The following C12orf56 variants were observed in gnomAD, a reference collection of about 807,000 sequenced individuals.
C12orf56 encodes the protein uncharacterized protein C12orf56.
A neutral mutation model predicts 69.9 loss-of-function variants in C12orf56; 71 were observed. The observed-to-expected ratio is 1.02, with a 90% CI of 0.84 to 1.24. The LOEUF is 1.24. Among genes scored for constraint, C12orf56 ranks in the 50% most tolerant of loss-of-function variants. The pLI is 0.00. For synonymous variants in C12orf56, 276 were observed against 274.1 expected, an observed-to-expected ratio of 1.01 and a Z score of -0.07; for missense variants, 732 against 738.5, an observed-to-expected ratio of 0.99 and a Z score of 0.10.
At chr12:64,299,808 G>C (rs1450669214) in intron 6 of C12orf56, among the ~76,000 whole-genome samples, 3 of 152,068 alleles carry the variant, frequency 2.0e-5, no homozygotes, top group Non-Finnish European at 2.9e-5. Flanking sequence ...CATGAAAACT[G>C]TCTGTTAATT....
chr12:64,317,927 C>A (rs1210392286), intron 4 of C12orf56, among the ~76,000 whole-genome samples: 1 of 152,084 alleles, frequency 6.6e-6, no homozygotes, highest in Non-Finnish European at 1.5e-5. Context: ...AACGTTGAAC[C>A]TTACCTGAGG....
chr12:64,275,246 G>T, intron 10 of C12orf56, 52 bp downstream of exon 10: 1 of 854,352 alleles, frequency 1.2e-6, no homozygotes, highest in Non-Finnish European at 1.8e-6. Context: ...TAATAGTCAT[G>T]TAATTTATAG....
chr12:64,387,446 CT>C (rs1326854326), intron 1 of C12orf56, among the ~76,000 whole-genome samples: 3 of 152,152 alleles, frequency 2.0e-5, no homozygotes, highest in Admixed American at 6.6e-5. Context: ...AATTGGTATC[CT>C]TTTTTGTAGG....
At chr12:64,372,230 AG>A (rs1269287326) in intron 1 of C12orf56, among the ~76,000 whole-genome samples, 1 of 152,210 alleles carries the variant, frequency 6.6e-6, no homozygotes, top group African/African-American at 2.4e-5. Flanking sequence ...ATTTGCCCAA[AG>A]GTTCATAAAA....
chr12:64,322,552 T>C (rs1028854537), intron 3 of C12orf56, among the ~76,000 whole-genome samples: 1 of 152,150 alleles, frequency 6.6e-6, no homozygotes, highest in African/African-American at 2.4e-5. Context: ...GCATGGTGGC[T>C]CATGCCTGTA....
chr12:64,367,706 G>C (rs1194115588), intron 1 of C12orf56, among the ~76,000 whole-genome samples: 5 of 151,226 alleles, frequency 3.3e-5, no homozygotes, highest in African/African-American at 9.7e-5. Flanking sequence ...ATTTCACCAT[G>C]TTGGCCAGGC....
intron 2 of C12orf56, among the ~76,000 whole-genome samples, chr12:64,336,311 G>A (rs572559178): frequency 2.0e-5 from 3 of 152,264 alleles, no homozygotes; most frequent in Non-Finnish European, 1.5e-5. Flanking sequence ...AGAACAGGTG[G>A]GGGCAAGTGT....
At chr12:64,329,467 C>T (rs1239421028) in intron 3 of C12orf56, among the ~76,000 whole-genome samples, 10 of 151,664 alleles carry the variant, frequency 6.6e-5, no homozygotes, top group African/African-American at 2.4e-4. Flanking sequence ...TAAGCACAAT[C>T]GTCGGATTAT....
intron 5 of C12orf56, among the ~76,000 whole-genome samples, chr12:64,308,409 AATAAG>A (rs907126618): frequency 1.3e-5 from 2 of 152,240 alleles, no homozygotes; most frequent in African/African-American, 2.4e-5. Context: ...ATCAAGACTA[AATAAG>A]ATATTTCTTA....
chr12:64,356,298 A>C (rs938984819), intron 1 of C12orf56, among the ~76,000 whole-genome samples: 1 of 151,864 alleles, frequency 6.6e-6, no homozygotes, highest in Non-Finnish European at 1.5e-5. Flanking sequence ...GCTGTGAAAG[A>C]GGTTCTTGTT....
chr12:64,389,792 C>T (rs1452469440), intron 1 of C12orf56, among the ~76,000 whole-genome samples: 2 of 152,178 alleles, frequency 1.3e-5, no homozygotes, highest in African/African-American at 2.4e-5. Context: ...CCACGGCACC[C>T]GGCCTTATGC....
At chr12:64,277,632 C>CCATA in intron 9 of C12orf56, 48 bp downstream of exon 9, 1 of 936,682 alleles carries the variant, frequency 1.1e-6, no homozygotes, top group Non-Finnish European at 1.4e-6. Context: ...GCCAGGGCCC[C>CCATA]TATATATATA....
chr12:64,265,665 A>G lies in C12orf56; in HGVS notation c.*1518T>C, dbSNP rs898783051. On this transcript the variant is annotated 3_prime_UTR_variant, in exon 13 of 13. Transcript: ENST00000543942. ...GAACCTGGAATAAAATGTCCTAGTA[A>G]TTATCTCCACTGCCCAACACAGGCG... 6.6e-6 allele frequency: 1 copy of G among 152,134 alleles called. No individual in the cohort carries two copies. Among genetic ancestry groups the G allele is most frequent in the Non-Finnish European group, 1.5e-5 (1 of 68,052 alleles). The allele number at this position is 152,134 out of a possible 1,614,324, so 9.4% of individuals were successfully genotyped here. A position where few individuals can be genotyped will look rare whatever the true frequency, so the allele number is the denominator to read the frequency against.
intron 3 of C12orf56, among the ~76,000 whole-genome samples, chr12:64,326,065 TTGGACAAAATATATGCAAA>T (rs2038835210): frequency 6.6e-6 from 1 of 152,060 alleles, no homozygotes; most frequent in South Asian, 2.1e-4. Flanking sequence ...CAACCAAAAA[TTGGACAAAATATATGCAAA>T]AATAGATTTC....
At chr12:64,319,513 A>C in intron 3 of C12orf56, among the ~76,000 whole-genome samples, 1 of 152,068 alleles carries the variant, frequency 6.6e-6, no homozygotes, top group East Asian at 1.9e-4. Flanking sequence ...CTCCCACCTC[A>C]GCCTCCTGAG....
intron 1 of C12orf56, among the ~76,000 whole-genome samples, chr12:64,374,309 G>A (rs1471638747): frequency 6.6e-6 from 1 of 152,140 alleles, no homozygotes. Context: ...CTAGGAAAAG[G>A]ATGCTACATC....
intron 1 of C12orf56, among the ~76,000 whole-genome samples, chr12:64,364,408 A>G (rs2039438083): frequency 6.6e-6 from 1 of 152,160 alleles, no homozygotes; most frequent in Non-Finnish European, 1.5e-5. Flanking sequence ...GATTTATTGT[A>G]AACACCTGTT....
At chr12:64,349,454 A>T (rs867304854) in intron 2 of C12orf56, among the ~76,000 whole-genome samples, 1 of 152,218 alleles carries the variant, frequency 6.6e-6, no homozygotes, top group Admixed American at 6.5e-5. Flanking sequence ...AACTGTGGAG[A>T]TTCCTTAAAG....
intron 12 of C12orf56, among the ~76,000 whole-genome samples, chr12:64,269,293 A>G (rs1351668216): frequency 6.6e-6 from 1 of 152,176 alleles, no homozygotes; most frequent in East Asian, 1.9e-4. Flanking sequence ...GTCAGAGACA[A>G]CCTGGGTTTT....
Sources: gnomAD v4.1 joint callset for allele counts (sites outside exome capture counted in the v4.1 genomes callset) on GRCh38, gnomAD v4.1.1 for gene constraint, MANE v1.5 for transcripts, NCBI Gene and HGNC (gene_info 2026-07-23, HGNC 2026-07-21) for gene names.